The following CNTN3 variants were observed in gnomAD, a reference collection of about 807,000 sequenced individuals.
CNTN3 encodes contactin-3.
CNTN3 carries 60 observed loss-of-function variants against 119.1 expected under a neutral mutation model. The ratio of observed to expected loss-of-function variants is 0.50; its 90% CI spans 0.41 to 0.62. The LOEUF is 0.62. Among genes scored for constraint, CNTN3 ranks in the 20% least tolerant of loss-of-function variants. CNTN3 has a pLI of 0.00. For synonymous variants in CNTN3, 450 were observed against 438.7 expected, an observed-to-expected ratio of 1.03 and a Z score of -0.32; for missense variants, 1,101 against 1,242.4, an observed-to-expected ratio of 0.89 and a Z score of 1.71.
chr3:74,498,083 T>C (rs1364096721), intron 3 of CNTN3, among the ~76,000 whole-genome samples: 1 of 151,850 alleles, frequency 6.6e-6, no homozygotes, highest in Non-Finnish European at 1.5e-5. Context: ...ATCACCAAAT[T>C]ATTCGTAAGA....
At position 74,302,676 on chromosome 3, in the gene CNTN3, C is replaced by T; in HGVS notation, c.1786+14G>A. ...ATGTGAAGTGACAAACTCAAGGGGG[C>T]ATAAATGTTTTACCTCTTACTATGA... On this transcript the variant is annotated intron_variant, in intron 14 of 22. Transcript: ENST00000263665. 6.7e-7 allele frequency: 1 copy of T among 1,487,374 alleles called. No homozygotes were observed. Among genetic ancestry groups the T allele is most frequent in the Non-Finnish European group, 9.4e-7 (1 of 1,066,536 alleles). The allele number at this position is 1,487,374 out of a possible 1,614,324, so 92.1% of individuals were successfully genotyped here. A position where few individuals can be genotyped will look rare whatever the true frequency, so the allele number is the denominator to read the frequency against.
At chr3:74,320,366 T>C (rs1032619826) in intron 13 of CNTN3, among the ~76,000 whole-genome samples, 6 of 152,156 alleles carry the variant, frequency 3.9e-5, no homozygotes, top group African/African-American at 1.4e-4. Flanking sequence ...ATGTCCTTTG[T>C]AGGGACATGG....
At chr3:74,470,298 C>T (rs1702536429) in intron 4 of CNTN3, among the ~76,000 whole-genome samples, 1 of 152,094 alleles carries the variant, frequency 6.6e-6, no homozygotes, top group Non-Finnish European at 1.5e-5. Flanking sequence ...ACTAGAAACA[C>T]GGAATTGTAT....
At chr3:74,501,337 A>T (rs1369290350) in intron 2 of CNTN3, among the ~76,000 whole-genome samples, 3 of 152,010 alleles carry the variant, frequency 2.0e-5, no homozygotes, top group African/African-American at 7.2e-5. Context: ...CTAGACACGG[A>T]GGCTCAACGA....
intron 13 of CNTN3, among the ~76,000 whole-genome samples, chr3:74,313,189 C>A (rs991759676): frequency 2.0e-5 from 3 of 151,202 alleles, no homozygotes; most frequent in Non-Finnish European, 4.4e-5. Flanking sequence ...GAACAACTAC[C>A]AAGGGTATAA....
In CNTN3 at chr3:74,298,087, G is replaced by T. The variant is rs554908047; in HGVS notation, c.2271C>A (p.Asp757Glu). The change falls in exon 18 of 23, where the codon GAC becomes GAA. Residue 757 changes from aspartate (D) to glutamate (E), a missense_variant. Asp to Glu is a conservative substitution (Grantham distance 45). Coordinates refer to ENST00000263665, the MANE Select transcript of CNTN3 (RefSeq NM_020872.3). ...TWIQTVVTSP[D>E]TPRYVFRNES... The stretch of plus-strand genomic sequence containing the variant: ...CATTCCTAAAGACATATCTTGGGGT[G>T]TCAGGGGATGTCACCACTGTCTGGA... The T allele has an allele frequency of 6.2e-7, 1 of 1,613,968 alleles. No individual in the cohort carries two copies. The highest frequency in any genetic ancestry group is 1.7e-5 in the Admixed American group (1 of 60,010).
chr3:74,533,721 G>A (rs1703724515), intron 1 of CNTN3, among the ~76,000 whole-genome samples: 1 of 151,958 alleles, frequency 6.6e-6, no homozygotes, highest in Non-Finnish European at 1.5e-5. Flanking sequence ...ATCCTCTGAA[G>A]CTTTGTATTT....
intron 5 of CNTN3, among the ~76,000 whole-genome samples, chr3:74,387,077 T>C (rs1239015634): frequency 6.6e-6 from 1 of 152,206 alleles, no homozygotes; most frequent in Non-Finnish European, 1.5e-5. Flanking sequence ...AAGTTTACTG[T>C]GCTTTGTTGA....
chr3:74,393,211 C>A (rs1037882438), intron 5 of CNTN3, among the ~76,000 whole-genome samples: 56 of 152,116 alleles, frequency 3.7e-4, no homozygotes, highest in African/African-American at 1.4e-3. Flanking sequence ...CCATCCTGAG[C>A]TATGTGAGAT....
chr3:74,325,480 A>G (rs1005082529), intron 13 of CNTN3, among the ~76,000 whole-genome samples: 3 of 152,164 alleles, frequency 2.0e-5, no homozygotes, highest in East Asian at 1.9e-4. Flanking sequence ...GTAATGAGAT[A>G]TGGCTTCTCA....
At chr3:74,292,633 T>A (rs1367273415) in intron 19 of CNTN3, among the ~76,000 whole-genome samples, 1 of 152,130 alleles carries the variant, frequency 6.6e-6, no homozygotes, top group African/African-American at 2.4e-5. Flanking sequence ...ACATACCTAA[T>A]CTTATCCAAT....
Position 74,318,242 on chromosome 3 carries a change from T to A in CNTN3, c.1669-15435A>T, listed in dbSNP as rs575466780. 7.7e-5 allele frequency among the ~76,000 whole-genome samples: 10 copies of A among 130,440 alleles called. No individual in the cohort carries two copies. In the South Asian group the frequency reaches 2.5e-3, roughly 32 times the overall value. 85.6% of individuals were successfully genotyped at this position (130,440 alleles called of 152,430 possible). On this transcript the variant is annotated intron_variant, in intron 13 of 22. Coordinates refer to ENST00000263665, the MANE Select transcript of CNTN3 (RefSeq NM_020872.3). ...GTTATTCAGTTATCCATTTGTCTATTTTTTTTTCACAGTTTTTAACTTCTT... is the reference window on the plus strand; with the variant it reads ...GTTATTCAGTTATCCATTTGTCTATATTTTTTTCACAGTTTTTAACTTCTT...
At chr3:74,264,830 A>G (rs942279137) in intron 22 of CNTN3, among the ~76,000 whole-genome samples, 3 of 152,120 alleles carry the variant, frequency 2.0e-5, no homozygotes, top group Non-Finnish European at 4.4e-5. Flanking sequence ...CCAAATCACT[A>G]CGTGAACCTA....
chr3:74,584,891 T>G (rs1224068922), intron 1 of CNTN3, among the ~76,000 whole-genome samples: 1 of 152,158 alleles, frequency 6.6e-6, no homozygotes, highest in Non-Finnish European at 1.5e-5. Context: ...TTAACAACCC[T>G]GGCTCTTTCC....
chr3:74,391,564 T>C (rs993895141), intron 5 of CNTN3, among the ~76,000 whole-genome samples: 21 of 90,130 alleles, frequency 2.3e-4, no homozygotes, highest in African/African-American at 7.3e-4. Flanking sequence ...TTTCTTTTTT[T>C]TTTTTTTTTT....
At chr3:74,505,942 G>C (rs2107092222) in intron 2 of CNTN3, among the ~76,000 whole-genome samples, 1 of 152,206 alleles carries the variant, frequency 6.6e-6, no homozygotes, top group South Asian at 2.1e-4. Flanking sequence ...CATGGGAAGT[G>C]GCATTCAATA....
chr3:74,534,384 A>G (rs1703733240), intron 1 of CNTN3, among the ~76,000 whole-genome samples: 1 of 151,946 alleles, frequency 6.6e-6, no homozygotes, highest in African/African-American at 2.4e-5. Context: ...CACAGGTTTT[A>G]TGTAATTTGC....
chr3:74,528,193 T>C (rs935792794), intron 1 of CNTN3, among the ~76,000 whole-genome samples: 2 of 151,966 alleles, frequency 1.3e-5, no homozygotes, highest in African/African-American at 4.8e-5. Flanking sequence ...TTCCCTTTGA[T>C]TCAATGGAAA....
rs543472752 is a variant in CNTN3 at position 74,586,660 on chromosome 3, T to G, written c.-81+27731A>C. On this transcript the variant is annotated intron_variant, in intron 1 of 22. Coordinates refer to ENST00000263665, the MANE Select transcript of CNTN3 (RefSeq NM_020872.3). ...TTAATAGTAATATCTACCTCATGAG[T>G]TGGTTACAGCATTCAGTGAATTCAT... Among the ~76,000 whole-genome samples the G allele has an allele frequency of 3.3e-5, 5 of 152,182 alleles. No homozygotes were observed. The South Asian group carries it at 1.0e-3, about 32-fold the overall frequency.
Sources: gnomAD v4.1 joint callset for allele counts (sites outside exome capture counted in the v4.1 genomes callset) on GRCh38, gnomAD v4.1.1 for gene constraint, MANE v1.5 for transcripts, NCBI Gene and HGNC (gene_info 2026-07-23, HGNC 2026-07-21) for gene names.